FBXL18: variants seen among roughly 807,000 people sequenced by gnomAD.
The protein encoded by FBXL18 is F-box/LRR-repeat protein 18.
A neutral mutation model predicts 46.0 loss-of-function variants in FBXL18; 36 were observed. That is an observed-to-expected ratio of 0.78 (90% CI 0.60 to 1.03). The LOEUF (loss-of-function observed/expected upper bound fraction) is 1.03. Ranked by LOEUF, FBXL18 falls within the 50% of genes least tolerant of loss-of-function variation. The pLI is 0.00. For missense variants in FBXL18, 977 were observed against 1,004.1 expected (o/e 0.97, Z 0.36); for synonymous variants, 557 against 465.3 (o/e 1.20, Z -2.54).
intron 4 of FBXL18, among the ~76,000 whole-genome samples, chr7:5,463,124 G>A (rs1783280454): frequency 6.7e-6 from 1 of 150,270 alleles, no homozygotes; most frequent in South Asian, 2.1e-4. Flanking sequence ...CTACTAAGAT[G>A]CCTGTAATCA....
intron 1 of FBXL18, among the ~76,000 whole-genome samples, chr7:5,508,852 C>T (rs1187418481): frequency 6.6e-6 from 1 of 152,052 alleles, no homozygotes; most frequent in Non-Finnish European, 1.5e-5. Context: ...ACAGAGCTCA[C>T]GTGGTAAGAA....
At chr7:5,483,690 G>A (rs1329871278) in intron 4 of FBXL18, among the ~76,000 whole-genome samples, 1 of 151,890 alleles carries the variant, frequency 6.6e-6, no homozygotes, top group African/African-American at 2.4e-5. Flanking sequence ...GTTGCAGTGA[G>A]CCGAGATTGC....
Position 5,480,957 on chromosome 7 carries a change from G to A in FBXL18, c.*818C>T, listed in dbSNP as rs1465143293. ...TCCTTTCTGGGTTTTAATGTTTCGC[G>A]TTATTCTAACAAAGCCGAATGTGTA... On this transcript the variant is annotated 3_prime_UTR_variant, in exon 5 of 5. Coordinates refer to ENST00000382368, the MANE Select transcript of FBXL18 (RefSeq NM_024963.6). The A allele has an allele frequency of 3.0e-5, 4 of 133,784 alleles. No homozygotes were observed. The highest frequency in any genetic ancestry group is 4.6e-5 in the Non-Finnish European group (3 of 64,652). The allele number at this position is 133,784 out of a possible 1,614,324, so 8.3% of individuals were successfully genotyped here.
At chr7:5,494,422 A>G (rs1024676664) in intron 3 of FBXL18, among the ~76,000 whole-genome samples, 1 of 152,170 alleles carries the variant, frequency 6.6e-6, no homozygotes, top group Non-Finnish European at 1.5e-5. Context: ...ACAGAGCGAG[A>G]CTCTGTCTCA....
intron 4 of FBXL18, among the ~76,000 whole-genome samples, chr7:5,465,807 G>T (rs1783332787): frequency 6.6e-6 from 1 of 150,750 alleles, no homozygotes; most frequent in Non-Finnish European, 1.5e-5. Context: ...AAGCTGCACA[G>T]GTACCTCCTA....
intron 1 of FBXL18, among the ~76,000 whole-genome samples, chr7:5,511,166 G>C (rs1784521003): frequency 6.6e-6 from 1 of 152,178 alleles, no homozygotes. Context: ...GCTGGGCATG[G>C]TGGCTCACGC....
At chr7:5,497,366 C>T (rs372397162) in intron 3 of FBXL18, among the ~76,000 whole-genome samples, 21 of 152,284 alleles carry the variant, frequency 1.4e-4, no homozygotes, top group African/African-American at 4.6e-4. Context: ...TCCCCACGCA[C>T]GGAGCCTCGC....
Position 5,513,642 on chromosome 7 carries a change from A to G in FBXL18, c.18+15T>C. The G allele has an allele frequency of 6.2e-7, 1 of 1,612,066 alleles. No individual in the cohort carries two copies. The highest frequency in any genetic ancestry group is 8.5e-7 in the Non-Finnish European group (1 of 1,179,108). ...GCCGAGGCAGAAGCAGAGCGGAGAC[A>G]GTCGCGGACAGTACCTCTCCGGAGC... On this transcript the variant is annotated intron_variant, in intron 1 of 4. Transcript: ENST00000382368.
chr7:5,463,114 C>T (rs1280403407), intron 4 of FBXL18, among the ~76,000 whole-genome samples: 3 of 149,818 alleles, frequency 2.0e-5, no homozygotes, highest in Admixed American at 1.3e-4. Context: ...CACCTCACAT[C>T]TACTAAGATG....
In FBXL18 at chr7:5,501,846, C is replaced by T. The variant is rs367781550; in HGVS notation, c.423G>A (p.Ser141=). The part of the protein sequence containing the change: ...LTSLRLSKML[S]ALQHLRSLAI... Reference sequence around the variant, plus strand: ...CCAGCGAGCGCAGGTGCTGCAGGGCCGAGAGCATCTTGGAGAGGCGCAGGG... The same window carrying T: ...CCAGCGAGCGCAGGTGCTGCAGGGCTGAGAGCATCTTGGAGAGGCGCAGGG... The change falls in exon 3 of 5, where the codon TCG becomes TCA. Residue 141 remains serine, a synonymous_variant. Coordinates refer to ENST00000382368, the MANE Select transcript of FBXL18 (RefSeq NM_024963.6). 1.3e-6 allele frequency: 2 copies of T among 1,598,720 alleles called. No homozygotes were observed. The highest frequency in any genetic ancestry group is 1.7e-6 in the Non-Finnish European group (2 of 1,174,106).
intron 1 of FBXL18, among the ~76,000 whole-genome samples, chr7:5,512,008 G>A (rs1286710543): frequency 6.6e-6 from 1 of 151,584 alleles, no homozygotes; most frequent in Non-Finnish European, 1.5e-5. Flanking sequence ...GGCCGAAGAG[G>A]GTGGATCACG....
chr7:5,505,367 T>A, intron 2 of FBXL18, 45 bp downstream of exon 2: 1 of 1,561,050 alleles, frequency 6.4e-7, no homozygotes, highest in Non-Finnish European at 8.8e-7. Flanking sequence ...CCTCAAAGAC[T>A]GAGATCTAGC....
chr7:5,504,784 C>T (rs1381490001), intron 2 of FBXL18, among the ~76,000 whole-genome samples: 2 of 149,142 alleles, frequency 1.3e-5, no homozygotes, highest in Non-Finnish European at 3.0e-5. Flanking sequence ...GGCGTGGTGG[C>T]GGGCGCCTGT....
At chr7:5,511,605 C>CA (rs202136455) in intron 1 of FBXL18, among the ~76,000 whole-genome samples, 11,795 of 134,742 alleles carry the variant, frequency 0.088, 527 homozygotes, top group Admixed American at 0.11. Flanking sequence ...AACTCCGTCT[C>CA]AAAAAAAAAA....
At position 5,476,360 on chromosome 7, in the gene FBXL18, C is replaced by T. The variant is rs1783513855; in HGVS notation, c.*5415G>A. 2 of 152,234 alleles carry T rather than the reference C, an allele frequency of 1.3e-5. No individual in the cohort carries two copies. Among genetic ancestry groups the T allele is most frequent in the South Asian group, 4.1e-4 (2 of 4,838 alleles). The allele number at this position is 152,234 out of a possible 1,614,324, so 9.4% of individuals were successfully genotyped here. A position where few individuals can be genotyped will look rare whatever the true frequency, so the allele number is the denominator to read the frequency against. Reference sequence around the variant, plus strand: ...TGGTGGCAACAGCTTGGAGAAAAGCCTCCCGGGACCAACCCTCATTCCCAG... The same window carrying T: ...TGGTGGCAACAGCTTGGAGAAAAGCTTCCCGGGACCAACCCTCATTCCCAG... On this transcript the variant is annotated 3_prime_UTR_variant, in exon 5 of 5. Transcript: ENST00000382368.
intron 1 of FBXL18, among the ~76,000 whole-genome samples, chr7:5,507,238 C>A (rs1043435171): frequency 6.6e-6 from 1 of 152,122 alleles, no homozygotes; most frequent in African/African-American, 2.4e-5. Flanking sequence ...CCGTGAAGGC[C>A]ATGGAGGAAG....
intron 4 of FBXL18, among the ~76,000 whole-genome samples, chr7:5,463,742 T>TTTA (rs1783298853): frequency 6.9e-5 from 5 of 72,974 alleles, no homozygotes; most frequent in African/African-American, 2.5e-4. Context: ...TTTTTTTTTT[T>TTTA]TTTTTTTTTT....
chr7:5,489,385 A>C (rs1404880593), intron 4 of FBXL18: 4 of 507,814 alleles, frequency 7.9e-6, no homozygotes, highest in Non-Finnish European at 1.6e-5. Flanking sequence ...CTGTAATCCC[A>C]GCACTTTGGG....
At chr7:5,505,373 C>T (rs372941800) in intron 2 of FBXL18, 39 bp downstream of exon 2, 3 of 1,584,068 alleles carry the variant, frequency 1.9e-6, no homozygotes, top group African/African-American at 2.7e-5. Flanking sequence ...AGACTGAGAT[C>T]TAGCTTGTTT....
Sources: gnomAD v4.1 joint callset for allele counts (sites outside exome capture counted in the v4.1 genomes callset) on GRCh38, gnomAD v4.1.1 for gene constraint, MANE v1.5 for transcripts, NCBI Gene and HGNC (gene_info 2026-07-23, HGNC 2026-07-21) for gene names.